Variants in RB1 observed in about 807,000 individuals in gnomAD.
RB1 encodes retinoblastoma-associated protein.
Under a neutral mutation model 135.4 loss-of-function variants are expected in RB1, and 18 were observed. The observed-to-expected ratio is 0.13, with a 90% CI of 0.09 to 0.20. The LOEUF (loss-of-function observed/expected upper bound fraction) is 0.20, where lower values mean the gene tolerates loss of function less well. RB1 is among the 10% of genes least tolerant of loss of function. The pLI, the probability that RB1 is intolerant of heterozygous loss-of-function variation, is 1.00. For synonymous variants in RB1, 365 were observed against 373.2 expected, an observed-to-expected ratio of 0.98 and a Z score of 0.25; for missense variants, 868 against 1,110.0, an observed-to-expected ratio of 0.78 and a Z score of 3.10.
intron 24 of RB1, chr13:48,476,475 G>A: frequency 2.0e-6 from 1 of 490,060 alleles, no homozygotes. Context: ...CATGGGAAAA[G>A]ACAGGAGGAT....
chr13:48,370,464 T>A lies in RB1; in HGVS notation c.1127+1860T>A, dbSNP rs564138310. Among the ~76,000 whole-genome samples the A allele has an allele frequency of 1.1e-4, 16 of 152,356 alleles. No homozygotes were observed. In the South Asian group the frequency reaches 3.3e-3, roughly 32 times the overall value. On this transcript the variant is annotated intron_variant, in intron 11 of 26. Transcript: ENST00000267163. ...GTTGCAAGTCTGGGTTTTTGGATCT[T>A]CTGACCAAAGGGCTTCAAGTTGGGG...
chr13:48,413,623 A>T (rs559535191), intron 17 of RB1, among the ~76,000 whole-genome samples: 38 of 152,324 alleles, frequency 2.5e-4, no homozygotes, highest in Non-Finnish European at 4.6e-4. Flanking sequence ...AATTGTTATC[A>T]TTATGAGTAG....
At chr13:48,304,168 G>C in intron 1 of RB1, 119 bp downstream of exon 1, 1 of 1,142,318 alleles carries the variant, frequency 8.8e-7, no homozygotes, top group Non-Finnish European at 1.1e-6. Context: ...CCCGGCGGGA[G>C]GAGGCGCCCT....
chr13:48,463,066 CTTAAA>C (rs1332246772), intron 20 of RB1, among the ~76,000 whole-genome samples: 1 of 152,128 alleles, frequency 6.6e-6, no homozygotes, highest in Middle Eastern at 3.2e-3. Flanking sequence ...GCAATGAGTA[CTTAAA>C]TTAGGCTATA....
intron 17 of RB1, among the ~76,000 whole-genome samples, chr13:48,423,357 C>T (rs1331478561): frequency 6.6e-6 from 1 of 152,056 alleles, no homozygotes; most frequent in Non-Finnish European, 1.5e-5. Context: ...TCACTGCAAC[C>T]TCCGCAGGTT....
chr13:48,460,399 A>AAT (rs1463789384), intron 20 of RB1, among the ~76,000 whole-genome samples: 1 of 152,224 alleles, frequency 6.6e-6, no homozygotes, highest in Non-Finnish European at 1.5e-5. Flanking sequence ...TTAGAGCTTT[A>AAT]ACACTCAAGA....
chr13:48,400,342 C>T (rs1170650347), intron 17 of RB1, among the ~76,000 whole-genome samples: 1 of 152,058 alleles, frequency 6.6e-6, no homozygotes, highest in Non-Finnish European at 1.5e-5. Context: ...GAGAAACTTT[C>T]CTGTGTCCAC....
At chr13:48,430,032 T>C (rs1949113660) in intron 17 of RB1, among the ~76,000 whole-genome samples, 1 of 152,222 alleles carries the variant, frequency 6.6e-6, no homozygotes, top group African/African-American at 2.4e-5. Flanking sequence ...TTTGTTCACC[T>C]GTAGATACTG....
At chr13:48,383,565 ATT>A (rs1300868814) in intron 17 of RB1, among the ~76,000 whole-genome samples, 2 of 152,026 alleles carry the variant, frequency 1.3e-5, no homozygotes, top group African/African-American at 4.8e-5. Context: ...TACGTTTTGA[ATT>A]TTTAATGACT....
chr13:48,447,514 A>G (rs910732916), intron 17 of RB1, among the ~76,000 whole-genome samples: 3 of 152,204 alleles, frequency 2.0e-5, no homozygotes, highest in Non-Finnish European at 2.9e-5. Flanking sequence ...AATAATCACA[A>G]CCATAATAAT....
chr13:48,406,803 C>G (rs1042780315), intron 17 of RB1: 3 of 152,264 alleles, frequency 2.0e-5, no homozygotes, highest in African/African-American at 7.2e-5. Flanking sequence ...CCTGTAGTCC[C>G]AGCTGCTTGA....
At chr13:48,412,126 T>C (rs1406528816) in intron 17 of RB1, 1 of 1,613,700 alleles carries the variant, frequency 6.2e-7, no homozygotes, top group Non-Finnish European at 8.5e-7. Flanking sequence ...CTTCCGTACA[T>C]GTTGGTATAA....
intron 2 of RB1, chr13:48,318,967 A>G (rs1952210751): frequency 4.8e-6 from 4 of 836,160 alleles, no homozygotes; most frequent in Non-Finnish European, 8.2e-6. Context: ...GTGGGCTTGC[A>G]GAAAGGGACC....
Position 48,367,594 on chromosome 13 carries a change from C to T in RB1, c.1040C>T (p.Ser347Phe). 6.2e-7 allele frequency: 1 copy of T among 1,603,698 alleles called. No individual in the cohort carries two copies. The highest frequency in any genetic ancestry group is 8.5e-7 in the Non-Finnish European group (1 of 1,173,584). The change falls in exon 10 of 27, where the codon TCT becomes TTT. Residue 347 changes from serine to phenylalanine, a missense_variant. Physicochemically the swap from Ser to Phe is radical, Grantham distance 155 (BLOSUM62 -2). This residue lies in a region of RB1 where 641 missense variants were observed against 791.3 expected (regional missense o/e 0.81). Transcript: ENST00000267163. ...CATGATAAAACTCTTCAGACTGATT[C>T]TATAGACAGGTATTGCACATGGTAT... ...LDHDKTLQTDSIDSFETQRTP... is the reference protein window; with the variant it reads ...LDHDKTLQTDFIDSFETQRTP...
chr13:48,403,131 C>A (rs1177980849), intron 17 of RB1, among the ~76,000 whole-genome samples: 1 of 152,124 alleles, frequency 6.6e-6, no homozygotes, highest in Non-Finnish European at 1.5e-5. Flanking sequence ...ATTTAAAGAT[C>A]TCCTGTGTTT....
chr13:48,350,320 A>G (rs927658447), intron 6 of RB1, among the ~76,000 whole-genome samples: 4 of 152,208 alleles, frequency 2.6e-5, no homozygotes, highest in Non-Finnish European at 5.9e-5. Context: ...AATAATATCA[A>G]GCATATTCTC....
At chr13:48,314,004 T>C (rs1952157683) in intron 2 of RB1, among the ~76,000 whole-genome samples, 1 of 152,146 alleles carries the variant, frequency 6.6e-6, no homozygotes, top group Non-Finnish European at 1.5e-5. Flanking sequence ...CACCTCGGCC[T>C]CCCAAAGTGC....
intron 2 of RB1, among the ~76,000 whole-genome samples, chr13:48,309,958 G>A (rs1334068524): frequency 6.6e-6 from 1 of 152,094 alleles, no homozygotes; most frequent in African/African-American, 2.4e-5. Flanking sequence ...ATTTCCTAAT[G>A]GAGCTCATAA....
At chr13:48,322,742 T>C (rs1399691006) in intron 2 of RB1, among the ~76,000 whole-genome samples, 1 of 152,180 alleles carries the variant, frequency 6.6e-6, no homozygotes, top group South Asian at 2.1e-4. Flanking sequence ...GGTGTTGGAT[T>C]TTGTCAAATG....
Sources: gnomAD v4.1 joint callset for allele counts (sites outside exome capture counted in the v4.1 genomes callset) on GRCh38, gnomAD v4.1.1 for gene constraint, gnomAD v4.1.1 regional missense constraint, MANE v1.5 for transcripts, NCBI Gene and HGNC (gene_info 2026-07-23, HGNC 2026-07-21) for gene names.